The following CDH10 variants were observed in gnomAD, a reference collection of about 807,000 sequenced individuals.
CDH10 encodes cadherin-10.
A neutral mutation model predicts 73.1 loss-of-function variants in CDH10; 30 were observed. The ratio of observed to expected loss-of-function variants is 0.41; its 90% CI spans 0.31 to 0.56. The LOEUF (loss-of-function observed/expected upper bound fraction) is 0.56. CDH10 is among the 20% of genes least tolerant of loss of function. The pLI is 0.27. For missense variants in CDH10, 815 were observed against 973.7 expected, an observed-to-expected ratio of 0.84 and a Z score of 2.17; for synonymous variants, 345 against 348.2, an observed-to-expected ratio of 0.99 and a Z score of 0.10.
intron 2 of CDH10, among the ~76,000 whole-genome samples, chr5:24,544,553 C>T (rs981210288): frequency 6.6e-5 from 10 of 152,114 alleles, no homozygotes; most frequent in African/African-American, 1.9e-4. Flanking sequence ...GAGATTTCCT[C>T]CAAGAGGGAA....
intron 1 of CDH10, among the ~76,000 whole-genome samples, chr5:24,640,365 C>T (rs1748009203): frequency 6.6e-6 from 1 of 151,392 alleles, no homozygotes; most frequent in African/African-American, 2.4e-5. Flanking sequence ...CAGCAGGGCT[C>T]TGAAGTGTTT....
intron 5 of CDH10, among the ~76,000 whole-genome samples, chr5:24,525,739 T>A (rs777508357): frequency 2.6e-5 from 4 of 152,006 alleles, no homozygotes; most frequent in Admixed American, 6.6e-5. Context: ...GGAGATACGA[T>A]CATCAACTCA....
At chr5:24,620,823 A>T (rs1249793761) in intron 1 of CDH10, among the ~76,000 whole-genome samples, 1 of 152,160 alleles carries the variant, frequency 6.6e-6, no homozygotes, top group East Asian at 1.9e-4. Flanking sequence ...TTGACAGAAG[A>T]GGCACAAACA....
intron 2 of CDH10, among the ~76,000 whole-genome samples, chr5:24,583,331 T>C (rs540574520): frequency 1.3e-5 from 2 of 151,836 alleles, no homozygotes; most frequent in East Asian, 3.9e-4. Context: ...AAACTGGAAA[T>C]ATATATATTT....
rs146383328 is a variant in CDH10 at position 24,600,914 on chromosome 5, A to T, written c.-123-7301T>A. Among the ~76,000 whole-genome samples the T allele has an allele frequency of 4.6e-5, 7 of 152,216 alleles. No homozygotes were observed. The East Asian group carries it at 1.4e-3, about 29-fold the overall frequency. ...TCAAAGCAGCTAATCCTTTAGCCAC[A>T]ATTTTTTCTACTGTAGACAGTGTTG... On this transcript the variant is annotated intron_variant, in intron 1 of 11. Transcript: ENST00000264463.
At chr5:24,530,016 C>CTTTTTTTTTTTTTTTTTTTTT (rs34282847) in intron 5 of CDH10, among the ~76,000 whole-genome samples, 2 of 121,846 alleles carry the variant, frequency 1.6e-5, no homozygotes, top group Admixed American at 9.3e-5. Flanking sequence ...TCTATTTTTA[C>CTTTTTTTTTTTTTTTTTTTTT]TTTTTTTTTT....
intron 5 of CDH10, among the ~76,000 whole-genome samples, chr5:24,512,525 TTACTTGTGACAGCAGG>T (rs1742955851): frequency 2.4e-5 from 1 of 41,574 alleles, no homozygotes; most frequent in African/African-American, 7.9e-5. Context: ...ATCCTATTTC[TTACTTGTGACAGCAGG>T]AACAAAGGAC....
intron 2 of CDH10, among the ~76,000 whole-genome samples, chr5:24,539,300 C>T (rs1316784960): frequency 6.6e-6 from 1 of 151,868 alleles, no homozygotes; most frequent in East Asian, 1.9e-4. Flanking sequence ...TAATTACGTC[C>T]TATTTAAGAA....
intron 2 of CDH10, among the ~76,000 whole-genome samples, chr5:24,585,516 A>G (rs577487828): frequency 6.6e-6 from 1 of 152,036 alleles, no homozygotes; most frequent in Non-Finnish European, 1.5e-5. Flanking sequence ...TCCGCCTCCC[A>G]GGTTCAAGCA....
At chr5:24,522,887 T>C (rs988543801) in intron 5 of CDH10, among the ~76,000 whole-genome samples, 4 of 152,162 alleles carry the variant, frequency 2.6e-5, no homozygotes, top group African/African-American at 7.2e-5. Flanking sequence ...TTTTGAAAAT[T>C]ACACTAAAAA....
chr5:24,551,086 GATGT>G (rs1579795808), intron 2 of CDH10, among the ~76,000 whole-genome samples: 1 of 152,088 alleles, frequency 6.6e-6, no homozygotes, highest in African/African-American at 2.4e-5. Flanking sequence ...ACATCCATAT[GATGT>G]AAGCTCCTGC....
intron 7 of CDH10, 119 bp from the exon 8 acceptor site, chr5:24,505,367 T>A (rs951055436): frequency 2.2e-5 from 17 of 784,960 alleles, no homozygotes; most frequent in South Asian, 9.0e-5. Context: ...ACAGTGCTGA[T>A]CTGGAATGTA....
intron 1 of CDH10, among the ~76,000 whole-genome samples, chr5:24,621,694 T>C (rs1164656823): frequency 6.9e-6 from 1 of 145,424 alleles, no homozygotes; most frequent in African/African-American, 2.8e-5. Context: ...GCCTAGTTGA[T>C]CTCTCTCTCT....
At chr5:24,495,824 C>G (rs766546383) in intron 9 of CDH10, among the ~76,000 whole-genome samples, 1 of 150,196 alleles carries the variant, frequency 6.7e-6, no homozygotes, top group Non-Finnish European at 1.5e-5. Flanking sequence ...TCACTGCACT[C>G]CAGCCTGGCA....
intron 2 of CDH10, among the ~76,000 whole-genome samples, chr5:24,566,259 G>A (rs1745161571): frequency 1.3e-5 from 2 of 152,074 alleles, no homozygotes; most frequent in African/African-American, 4.8e-5. Flanking sequence ...TGTTGGCCAG[G>A]CTGATCTCGA....
chr5:24,563,971 A>C (rs753809181), intron 2 of CDH10, among the ~76,000 whole-genome samples: 26 of 152,150 alleles, frequency 1.7e-4, no homozygotes, highest in Non-Finnish European at 3.1e-4. Flanking sequence ...AATACTTTAG[A>C]CAGGTTCCAT....
chr5:24,620,754 C>A (rs553453807), intron 1 of CDH10, among the ~76,000 whole-genome samples: 1 of 151,898 alleles, frequency 6.6e-6, no homozygotes, highest in African/African-American at 2.4e-5. Flanking sequence ...CTTCTCATTG[C>A]CCCTGTTTTG....
rs945685182 is a variant in CDH10 at position 24,493,094 on chromosome 5, T to A, written c.1516-169A>T. The stretch of plus-strand genomic sequence containing the variant: ...TTTAGTATTACTTTGATTTTAATAA[T>A]CTCTCCCTCTCTCATCTCTGTGTCT... On this transcript the variant is annotated intron_variant, in intron 9 of 11. Transcript: ENST00000264463. 7 of 482,518 alleles carry A rather than the reference T, an allele frequency of 1.5e-5. No individual in the cohort carries two copies. The Admixed American group carries it at 1.5e-4, about 10-fold the overall frequency. The allele number at this position is 482,518 out of a possible 1,614,324, so 29.9% of individuals were successfully genotyped here.
At chr5:24,549,012 G>T (rs940487123) in intron 2 of CDH10, among the ~76,000 whole-genome samples, 2 of 152,038 alleles carry the variant, frequency 1.3e-5, no homozygotes, top group African/African-American at 4.8e-5. Context: ...TTCTGAAACT[G>T]AAAATACAAT....
Sources: gnomAD v4.1 joint callset for allele counts (sites outside exome capture counted in the v4.1 genomes callset) on GRCh38, gnomAD v4.1.1 for gene constraint, MANE v1.5 for transcripts, NCBI Gene and HGNC (gene_info 2026-07-23, HGNC 2026-07-21) for gene names.